PDE6G: variants seen among roughly 807,000 people sequenced by gnomAD.
The protein encoded by PDE6G is rod cGMP 3',5'-cyclic phosphodiesterase subunit gamma.
A neutral mutation model predicts 10.9 loss-of-function variants in PDE6G; 10 were observed. The observed-to-expected ratio is 0.91, with a 90% CI of 0.56 to 1.55. The LOEUF (loss-of-function observed/expected upper bound fraction) is 1.55. PDE6G is among the 40% of genes most tolerant of loss of function. The pLI, the probability that PDE6G is intolerant of heterozygous loss-of-function variation, is 0.00. For synonymous variants in PDE6G, 41 were observed against 42.8 expected, an observed-to-expected ratio of 0.96 and a Z score of 0.16; for missense variants, 102 against 110.1, an observed-to-expected ratio of 0.93 and a Z score of 0.33.
upstream of PDE6G, among the ~76,000 whole-genome samples, chr17:81,658,778 T>C (rs2036480613): frequency 6.6e-6 from 1 of 150,762 alleles, no homozygotes; most frequent in Non-Finnish European, 1.5e-5. Context: ...GAGGTGGAGG[T>C]TGCAGTGAGC....
chr17:81,662,138 T>A (rs35302910), intron 1 of PDE6G, among the ~76,000 whole-genome samples: 13,283 of 152,102 alleles, frequency 0.087, 828 homozygotes, highest in East Asian at 0.21. Context: ...TATTGATTGA[T>A]GTATTATGTC....
chr17:81,651,593 G>A lies in PDE6G; in HGVS notation c.187+52C>T, dbSNP rs189399954. 544 of 1,574,286 alleles carry A rather than the reference G, an allele frequency of 3.5e-4. 3 individuals carry two copies. In the African/African-American group the frequency reaches 5.4e-3, roughly 16 times the overall value. Reference sequence around the variant, plus strand: ...GCAATGGGCCCCGGGCGTGCTGGGTGTGCCTGGGGGGACCTGGGCAGACCT... The same window carrying A: ...GCAATGGGCCCCGGGCGTGCTGGGTATGCCTGGGGGGACCTGGGCAGACCT... On this transcript the variant is annotated intron_variant, in intron 3 of 3. Coordinates refer to ENST00000331056, the MANE Select transcript of PDE6G (RefSeq NM_002602.4). The surrounding 1 kb of genome is among the most constrained non-coding windows in gnomAD (Gnocchi z 4.8).
chr17:81,651,090 T>TG lies in PDE6G; in HGVS notation c.247dup (p.Gln83ProfsTer24), dbSNP rs1568184542. The TG allele has an allele frequency of 2.5e-6, 4 of 1,613,520 alleles. No homozygotes were observed. Among genetic ancestry groups the TG allele is most frequent in the Non-Finnish European group, 3.4e-6 (4 of 1,179,490 alleles). ...GGCCTCGTGCTAGATGATGCCATAT[T>TG]GGGCCAGCTCGTGCAGCTCCAGGTG... is the stretch of plus-strand genomic sequence containing the variant. On this transcript the variant is annotated frameshift_variant, in exon 4 of 4. Transcript: ENST00000331056. LOFTEE classifies it high-confidence loss of function. This position sits in a 1 kb window ranked among gnomAD's most constrained non-coding sequence, Gnocchi z 4.8.
chr17:81,661,514 C>T (rs8067006), upstream of PDE6G, among the ~76,000 whole-genome samples: 12 of 151,930 alleles, frequency 7.9e-5, no homozygotes, highest in Admixed American at 3.9e-4. Context: ...GTCAGGAGTT[C>T]GGGACCAGCC....
chr17:81,653,390 C>G lies in PDE6G; in HGVS notation c.-59-26G>C. On this transcript the variant is annotated intron_variant, in intron 1 of 3. Coordinates refer to ENST00000331056, the MANE Select transcript of PDE6G (RefSeq NM_002602.4). This position sits in a 1 kb window ranked among gnomAD's most constrained non-coding sequence, Gnocchi z 5.2. ...CTGGGGGCAGACCAGGCCCGGGTCCCAGTCAGCCCTCCTGCTTCCAACCCT... is the reference window on the plus strand; with the variant it reads ...CTGGGGGCAGACCAGGCCCGGGTCCGAGTCAGCCCTCCTGCTTCCAACCCT... The G allele has an allele frequency of 6.6e-7, 1 of 1,514,230 alleles. No individual in the cohort carries two copies. The highest frequency in any genetic ancestry group is 9.0e-7 in the Non-Finnish European group (1 of 1,113,790). The allele number at this position is 1,514,230 out of a possible 1,614,324, so 93.8% of individuals were successfully genotyped here. A position where few individuals can be genotyped will look rare whatever the true frequency, so the allele number is the denominator to read the frequency against.
intron 2 of PDE6G, among the ~76,000 whole-genome samples, chr17:81,652,484 A>T (rs1392935402): frequency 6.6e-6 from 1 of 151,726 alleles, no homozygotes; most frequent in Non-Finnish European, 1.5e-5. Context: ...TCACCTTCTT[A>T]GCCAGAATGG....
chr17:81,656,809 T>C, upstream of PDE6G: 2 of 601,136 alleles, frequency 3.3e-6, no homozygotes, highest in East Asian at 2.8e-5. Flanking sequence ...CAGTGTCTGC[T>C]GTCTTGGGCC....
At chr17:81,652,436 C>A (rs1245366279) in intron 2 of PDE6G, among the ~76,000 whole-genome samples, 3 of 151,958 alleles carry the variant, frequency 2.0e-5, no homozygotes, top group African/African-American at 7.3e-5. Context: ...GCCACCACGC[C>A]CGGCTAATTT....
upstream of PDE6G, chr17:81,656,995 A>G: frequency 7.6e-6 from 2 of 264,520 alleles, no homozygotes; most frequent in Non-Finnish European, 7.5e-6. Context: ...CCCCGCCCTT[A>G]GGGGCCTGTG....
chr17:81,656,626 G>A (rs760370265), upstream of PDE6G: 1 of 713,896 alleles, frequency 1.4e-6, no homozygotes, highest in Non-Finnish European at 2.6e-6. Context: ...GAGATTGTTG[G>A]GCCCCGAGGG....
At chr17:81,658,153 C>T (rs1260698576), upstream of PDE6G, among the ~76,000 whole-genome samples, 1 of 151,804 alleles carries the variant, frequency 6.6e-6, no homozygotes, top group East Asian at 2.0e-4. Context: ...GGCCTGATCT[C>T]GGCTCACTGC....
intron 2 of PDE6G, among the ~76,000 whole-genome samples, chr17:81,652,297 G>A (rs552276832): frequency 6.6e-6 from 1 of 152,240 alleles, no homozygotes; most frequent in African/African-American, 2.4e-5. Flanking sequence ...ATTTATTTGA[G>A]ACGGAGTCTC....
intron 1 of PDE6G, among the ~76,000 whole-genome samples, chr17:81,654,484 A>G (rs1334732982): frequency 6.7e-6 from 1 of 150,234 alleles, no homozygotes; most frequent in Non-Finnish European, 1.5e-5. Flanking sequence ...GGTTCAAGTA[A>G]TTCTCCTGCC....
upstream of PDE6G, among the ~76,000 whole-genome samples, chr17:81,657,364 G>A (rs553836889): frequency 6.8e-6 from 1 of 147,386 alleles, no homozygotes; most frequent in Admixed American, 6.8e-5. Context: ...TGAGGGGCCT[G>A]GAGGAGGCCA....
chr17:81,659,339 G>A (rs1015745453), upstream of PDE6G, among the ~76,000 whole-genome samples: 1 of 151,836 alleles, frequency 6.6e-6, no homozygotes, highest in Non-Finnish European at 1.5e-5. Context: ...CAGGCATGGT[G>A]GCTCATCCCT....
At chr17:81,656,715 C>A (rs528503092), upstream of PDE6G, 2,285 of 688,408 alleles carry the variant, frequency 3.3e-3, 14 homozygotes, top group Non-Finnish European at 4.6e-3. Flanking sequence ...GGACACCCAG[C>A]AGATGGGGCC....
upstream of PDE6G, among the ~76,000 whole-genome samples, chr17:81,660,529 C>A (rs758843331): frequency 6.6e-6 from 1 of 152,192 alleles, no homozygotes; most frequent in Non-Finnish European, 1.5e-5. Flanking sequence ...AGACTATAAA[C>A]TGTTTTTTGT....
chr17:81,657,885 G>GAATA (rs1014787399), upstream of PDE6G, among the ~76,000 whole-genome samples: 786 of 122,650 alleles, frequency 6.4e-3, 2 homozygotes, highest in South Asian at 0.012. Context: ...TGTTTCAAAT[G>GAATA]AATAAATAAA....
intron 2 of PDE6G, among the ~76,000 whole-genome samples, chr17:81,652,802 GATCCT>G (rs2036382420): frequency 4.4e-5 from 2 of 45,866 alleles, no homozygotes; most frequent in Admixed American, 6.4e-4. Context: ...TCAAACTCGC[GATCCT>G]AGGGGGCTAC....
Sources: allele counts gnomAD v4.1 joint callset (sites outside exome capture counted in the v4.1 genomes callset), GRCh38; gene constraint gnomAD v4.1.1; non-coding constraint Gnocchi (gnomAD v3.1); transcripts MANE v1.5; gene names NCBI Gene and HGNC (gene_info 2026-07-23, HGNC 2026-07-21).